The following DYRK2 variants were observed in gnomAD, a reference collection of about 807,000 sequenced individuals.
DYRK2 encodes dual specificity tyrosine phosphorylation regulated kinase 2, also known as dual specificity tyrosine-phosphorylation-regulated kinase 2.
DYRK2 carries 12 observed loss-of-function variants against 41.6 expected under a neutral mutation model. The ratio of observed to expected loss-of-function variants is 0.29; its 90% CI spans 0.18 to 0.47. The LOEUF (loss-of-function observed/expected upper bound fraction) is 0.47, where lower values mean the gene tolerates loss of function less well. Among genes scored for constraint, DYRK2 ranks in the 20% least tolerant of loss-of-function variants. The pLI is 1.00. For missense variants in DYRK2, 678 were observed against 798.4 expected (o/e 0.85, Z 1.82); for synonymous variants, 322 against 315.7 (o/e 1.02, Z -0.21).
In DYRK2 at chr12:67,661,477, C is replaced by T. The variant is rs943791695; in HGVS notation, c.*2764C>T. 6.0e-6 allele frequency: 1 copy of T among 167,100 alleles called. No homozygotes were observed. The highest frequency in any genetic ancestry group is 1.5e-5 in the Non-Finnish European group (1 of 68,106). 10.4% of individuals were successfully genotyped at this position (167,100 alleles called of 1,614,324 possible). ...AGTGGAACAACAGAGTGGTGCAAGA[C>T]ACTGTAGATTAACGGTAGAGGAGAA... On this transcript the variant is annotated 3_prime_UTR_variant, in exon 3 of 3. Coordinates refer to ENST00000344096, the MANE Select transcript of DYRK2 (RefSeq NM_006482.3).
At position 67,658,835 on chromosome 12, in the gene DYRK2, C is replaced by A; in HGVS notation, c.*122C>A. On this transcript the variant is annotated 3_prime_UTR_variant, in exon 3 of 3. Coordinates refer to ENST00000344096, the MANE Select transcript of DYRK2 (RefSeq NM_006482.3). The surrounding 1 kb of genome is among the most constrained non-coding windows in gnomAD (Gnocchi z 4.3). ...ATAACTCTACTCATTTGTATCTTTT[C>A]AGCACTTAATTTTAATGTAAGAAAG... 1 of 1,095,902 alleles carries A rather than the reference C, an allele frequency of 9.1e-7. No individual in the cohort carries two copies. 67.9% of individuals were successfully genotyped at this position (1,095,902 alleles called of 1,614,324 possible).
At chr12:67,649,634 G>A (rs1205280254) in intron 1 of DYRK2, 163 bp from the exon 2 acceptor site, 1 of 805,300 alleles carries the variant, frequency 1.2e-6, no homozygotes, top group Non-Finnish European at 1.7e-6. Context: ...CCGTGGGTGT[G>A]CGCTGGGGAG....
At position 67,657,483 on chromosome 12, in the gene DYRK2, G is replaced by T. The variant is rs555625707; in HGVS notation, c.576G>T (p.Gln192His). 70 of 1,614,114 alleles carry T rather than the reference G, an allele frequency of 4.3e-5. No homozygotes were observed. The highest frequency in any genetic ancestry group is 2.8e-4 in the Admixed American group (17 of 60,024). The change falls in exon 3 of 3, where the codon CAG (glutamine) becomes CAT (histidine). Residue 192 changes from glutamine to histidine, a missense_variant. Gln to His is a conservative substitution (Grantham distance 24). Coordinates refer to ENST00000344096, the MANE Select transcript of DYRK2 (RefSeq NM_006482.3). The surrounding 1 kb of genome is among the most constrained non-coding windows in gnomAD (Gnocchi z 4.8). The stretch of plus-strand genomic sequence containing the variant: ...TGGGTCTAAATGCTAAGAAGCGCCA[G>T]GGCATGACAGGTGGGCCCAACAATG... ...YFLGLNAKKRQGMTGGPNNGG... is the reference protein window; with the variant it reads ...YFLGLNAKKRHGMTGGPNNGG...
At chr12:67,649,744 G>T in intron 1 of DYRK2, 53 bp from the exon 2 acceptor site, 1 of 1,303,456 alleles carries the variant, frequency 7.7e-7, no homozygotes. Context: ...GGGGGTCTGG[G>T]TGACTTTCTC....
chr12:67,662,161 CA>C lies in DYRK2; in HGVS notation c.*3449del, dbSNP rs1474040596. 6.0e-6 allele frequency: 1 copy of C among 166,170 alleles called. No homozygotes were observed. The highest frequency in any genetic ancestry group is 6.6e-5 in the Admixed American group (1 of 15,206). The allele number at this position is 166,170 out of a possible 1,614,324, so 10.3% of individuals were successfully genotyped here. On this transcript the variant is annotated 3_prime_UTR_variant, in exon 3 of 3. Coordinates refer to ENST00000344096, the MANE Select transcript of DYRK2 (RefSeq NM_006482.3). Reference sequence around the variant, plus strand: ...TTTCATCAAAAATATTTCTGGTAAGCAGAAGACTTTTTAAAAAAACTGATCT... The same window carrying C: ...TTTCATCAAAAATATTTCTGGTAAGCGAAGACTTTTTAAAAAAACTGATCT...
chr12:67,649,951 A>G lies in DYRK2; in HGVS notation c.198+6A>G. On this transcript the variant is annotated splice_donor_region_variant and intron_variant, in intron 2 of 2. Transcript: ENST00000344096. ...CTGCCGCCGCAGCCCACACGGTGAG[A>G]CCCAGCCCGCGGGCGGCCCGGGCGG... The G allele has an allele frequency of 7.4e-7, 1 of 1,345,532 alleles. No individual in the cohort carries two copies. The highest frequency in any genetic ancestry group is 3.1e-5 in the East Asian group (1 of 31,978). 83.3% of individuals were successfully genotyped at this position (1,345,532 alleles called of 1,614,324 possible).
chr12:67,652,259 A>G (rs1425463934), intron 2 of DYRK2, among the ~76,000 whole-genome samples: 1 of 152,090 alleles, frequency 6.6e-6, no homozygotes, highest in Non-Finnish European at 1.5e-5. Context: ...TGAGAGAGAG[A>G]AGTGTGCCCA....
At position 67,657,081 on chromosome 12, in the gene DYRK2, T is replaced by C. The variant is rs1231135101; in HGVS notation, c.199-25T>C. On this transcript the variant is annotated intron_variant, in intron 2 of 2. Transcript: ENST00000344096. The surrounding 1 kb of genome is among the most constrained non-coding windows in gnomAD (Gnocchi z 4.8). Reference sequence around the variant, plus strand: ...TTGAACAGACACCACTTCTTTTCTATTTATATTTCCTGTCTGAATTCCAGA... The same window carrying C: ...TTGAACAGACACCACTTCTTTTCTACTTATATTTCCTGTCTGAATTCCAGA... The C allele has an allele frequency of 2.0e-6, 3 of 1,528,462 alleles. No individual in the cohort carries two copies. The highest frequency in any genetic ancestry group is 1.3e-5 in the South Asian group (1 of 76,432). The allele number at this position is 1,528,462 out of a possible 1,614,324, so 94.7% of individuals were successfully genotyped here.
chr12:67,658,173 G>T lies in DYRK2; in HGVS notation c.1266G>T (p.Leu422Phe), dbSNP rs1392220162. The T allele has an allele frequency of 6.2e-7, 1 of 1,614,100 alleles. No individual in the cohort carries two copies. Among genetic ancestry groups the T allele is most frequent in the African/African-American group, 1.3e-5 (1 of 74,950 alleles). The change falls in exon 3 of 3, where the codon TTG (leucine) becomes TTT (phenylalanine). Residue 422 changes from leucine (L) to phenylalanine (F), a missense_variant. By Grantham distance (22) the Leu-to-Phe change is conservative. This residue lies in a region of DYRK2 where 393 missense variants were observed against 519.1 expected (regional missense o/e 0.76). Transcript: ENST00000344096. This position sits in a 1 kb window ranked among gnomAD's most constrained non-coding sequence, Gnocchi z 4.3. ...AGCTCCTGACGGGTTACCCCCTCTT[G>T]CCTGGGGAAGATGAAGGGGACCAGC... Reference protein sequence around the residue: ...LAELLTGYPLLPGEDEGDQLA... With the variant: ...LAELLTGYPLFPGEDEGDQLA...
intron 1 of DYRK2, 94 bp downstream of exon 1, chr12:67,649,276 A>G (rs1454299187): frequency 4.7e-6 from 5 of 1,062,904 alleles, no homozygotes; most frequent in Non-Finnish European, 6.0e-6. Flanking sequence ...CGGGACCTCG[A>G]ACAAAGTCGG....
rs1310488349 is a variant in DYRK2, at chr12:67,659,715, AGAGT to A, written c.*1007_*1010del. The A allele has an allele frequency of 6.0e-6, 1 of 167,092 alleles. No individual in the cohort carries two copies. Among genetic ancestry groups the A allele is most frequent in the Non-Finnish European group, 1.5e-5 (1 of 68,116 alleles). 10.4% of individuals were successfully genotyped at this position (167,092 alleles called of 1,614,324 possible). On this transcript the variant is annotated 3_prime_UTR_variant, in exon 3 of 3. Coordinates refer to ENST00000344096, the MANE Select transcript of DYRK2 (RefSeq NM_006482.3). ...AGTTCCAAAGAAGATTTAGCAGATT[AGAGT>A]GAGTTCACACTTTTCAGGTGCCACT...
chr12:67,664,768 TGAG>T lies in DYRK2; in HGVS notation c.*6058_*6060del, dbSNP rs1362501188. 5.9e-5 allele frequency: 9 copies of T among 152,180 alleles called. No homozygotes were observed. Among genetic ancestry groups the T allele is most frequent in the Non-Finnish European group, 1.5e-5 (1 of 68,012 alleles). 9.4% of individuals were successfully genotyped at this position (152,180 alleles called of 1,614,324 possible). On this transcript the variant is annotated 3_prime_UTR_variant, in exon 3 of 3. Coordinates refer to ENST00000344096, the MANE Select transcript of DYRK2 (RefSeq NM_006482.3). ...TTTCAAATGGGACAAACTAAAAAGT[TGAG>T]GACTAGAGCATCGTAGTGTCTAAGT... is the stretch of plus-strand genomic sequence containing the variant.
Position 67,663,515 on chromosome 12 carries a change from G to A in DYRK2, c.*4802G>A, listed in dbSNP as rs544169167. 2.6e-5 allele frequency: 4 copies of A among 152,106 alleles called. No individual in the cohort carries two copies. Among genetic ancestry groups the A allele is most frequent in the South Asian group, 2.1e-4 (1 of 4,816 alleles). 9.4% of individuals were successfully genotyped at this position (152,106 alleles called of 1,614,324 possible). ...TGCCATAAGAGTTCCCAATTGCCTC[G>A]TCATAGCCTGGGCCATAGATTTTTG... On this transcript the variant is annotated 3_prime_UTR_variant, in exon 3 of 3. Transcript: ENST00000344096.
rs909089798 is a variant in DYRK2, at chr12:67,657,024, G to A, written c.199-82G>A. Reference sequence around the variant, plus strand: ...ATTTTGTAAATGTGAGGTTGGGGGCGGTGGTGTTGTTGGGGGTTACTTATA... The same window carrying A: ...ATTTTGTAAATGTGAGGTTGGGGGCAGTGGTGTTGTTGGGGGTTACTTATA... On this transcript the variant is annotated intron_variant, in intron 2 of 2. Transcript: ENST00000344096. This position sits in a 1 kb window ranked among gnomAD's most constrained non-coding sequence, Gnocchi z 4.8. 1.3e-5 allele frequency: 18 copies of A among 1,358,690 alleles called. No homozygotes were observed. In the East Asian group the frequency reaches 2.3e-4, roughly 17 times the overall value. 84.2% of individuals were successfully genotyped at this position (1,358,690 alleles called of 1,614,324 possible).
Position 67,663,262 on chromosome 12 carries a change from A to T in DYRK2, c.*4549A>T, listed in dbSNP as rs1476631770. On this transcript the variant is annotated 3_prime_UTR_variant, in exon 3 of 3. Transcript: ENST00000344096. Reference sequence around the variant, plus strand: ...GCCTAGGAACTGCAATTAGCTCATGATTTGTCAAGTTCAGTTAGTACCAAG... The same window carrying T: ...GCCTAGGAACTGCAATTAGCTCATGTTTTGTCAAGTTCAGTTAGTACCAAG... 6.6e-6 allele frequency: 1 copy of T among 151,982 alleles called. No homozygotes were observed. Among genetic ancestry groups the T allele is most frequent in the Non-Finnish European group, 1.5e-5 (1 of 67,984 alleles). 9.4% of individuals were successfully genotyped at this position (151,982 alleles called of 1,614,324 possible).
chr12:67,655,765 A>G (rs948987039), intron 2 of DYRK2, among the ~76,000 whole-genome samples: 1 of 152,190 alleles, frequency 6.6e-6, no homozygotes, highest in East Asian at 1.9e-4. Flanking sequence ...TGCTAGTAAG[A>G]AGGAGTTGGA....
chr12:67,662,436 G>A lies in DYRK2; in HGVS notation c.*3723G>A, dbSNP rs771176329. 29 of 166,690 alleles carry A rather than the reference G, an allele frequency of 1.7e-4. No homozygotes were observed. The highest frequency in any genetic ancestry group is 2.1e-4 in the Non-Finnish European group (14 of 68,046). 10.3% of individuals were successfully genotyped at this position (166,690 alleles called of 1,614,324 possible). A position where few individuals can be genotyped will look rare whatever the true frequency, so the allele number is the denominator to read the frequency against. On this transcript the variant is annotated 3_prime_UTR_variant, in exon 3 of 3. Transcript: ENST00000344096. ...GTGTGTACTGAAAATATGTGAAAAT[G>A]GTTGAATGTGGACTGTGTATATATG...
intron 2 of DYRK2, among the ~76,000 whole-genome samples, chr12:67,652,266 C>T (rs1243700941): frequency 6.6e-6 from 1 of 151,950 alleles, no homozygotes; most frequent in Non-Finnish European, 1.5e-5. Context: ...GAGAAGTGTG[C>T]CCAATCACTG....
chr12:67,662,592 T>C lies in DYRK2; in HGVS notation c.*3879T>C, dbSNP rs1171873926. 2 of 166,834 alleles carry C rather than the reference T, an allele frequency of 1.2e-5. No homozygotes were observed. The highest frequency in any genetic ancestry group is 1.9e-4 in the East Asian group (1 of 5,206). The allele number at this position is 166,834 out of a possible 1,614,324, so 10.3% of individuals were successfully genotyped here. On this transcript the variant is annotated 3_prime_UTR_variant, in exon 3 of 3. Transcript: ENST00000344096. ...AGCTGATGACAGGAGTAAGACTGTT[T>C]AGTGAATATCTGTTAAATTTTATTG...
Sources: gnomAD v4.1 joint callset for allele counts (sites outside exome capture counted in the v4.1 genomes callset) on GRCh38, gnomAD v4.1.1 for gene constraint, gnomAD v4.1.1 regional missense constraint, Gnocchi (gnomAD v3.1) non-coding constraint, MANE v1.5 for transcripts, NCBI Gene and HGNC (gene_info 2026-07-23, HGNC 2026-07-21) for gene names.